Variants in SAXO1 observed in about 807,000 individuals in gnomAD.
The protein encoded by SAXO1 is 4930500O09Rik.
SAXO1 carries 21 observed loss-of-function variants against 17.5 expected under a neutral mutation model. The ratio of observed to expected loss-of-function variants is 1.20; its 90% CI spans 0.85 to 1.72. The LOEUF is 1.72. Ranked by LOEUF, SAXO1 falls within the 40% of genes most tolerant of loss-of-function variation. SAXO1 has a pLI of 0.00. For synonymous variants in SAXO1, 274 were observed against 216.5 expected (o/e 1.27, Z -2.33); for missense variants, 843 against 596.0 (o/e 1.41, Z -4.32).
chr9:19,011,636 G>C (rs1834734036), intron 1 of SAXO1, among the ~76,000 whole-genome samples: 1 of 152,118 alleles, frequency 6.6e-6, no homozygotes, highest in South Asian at 2.1e-4. Flanking sequence ...CACCGACTCA[G>C]TATTAGTTTT....
Position 18,941,744 on chromosome 9 carries a change from T to C in SAXO1, c.314A>G (p.Tyr105Cys), listed in dbSNP as rs1023741605. 38 of 1,614,090 alleles carry C rather than the reference T, an allele frequency of 2.4e-5. No homozygotes were observed. The highest frequency in any genetic ancestry group is 3.1e-5 in the Non-Finnish European group (37 of 1,180,032). The change falls in exon 3 of 4, where the codon TAT (tyrosine) becomes TGT (cysteine). Residue 105 changes from tyrosine (Y) to cysteine (C), a missense_variant. Transcript: ENST00000380534. The stretch of plus-strand genomic sequence containing the variant: ...AGGGTAGGGATTGTAATCTTTCTTA[T>C]ACGTCGTGAGCAAATCCATATTCTC... ...SEENMDLLTT[Y>C]KKDYNPYPVC...
At chr9:19,018,760 G>T (rs568429161) in intron 1 of SAXO1, among the ~76,000 whole-genome samples, 18 of 152,228 alleles carry the variant, frequency 1.2e-4, no homozygotes, top group Non-Finnish European at 2.2e-4. Context: ...GCAGTGGTTA[G>T]AGACAGGACG....
At chr9:18,942,071 G>A (rs534533206) in intron 2 of SAXO1, among the ~76,000 whole-genome samples, 2 of 116,086 alleles carry the variant, frequency 1.7e-5, no homozygotes, top group African/African-American at 5.7e-5. Flanking sequence ...TTTCCTCACG[G>A]CCCCAGAGTC....
In SAXO1 at chr9:18,946,325, A is replaced by T. The variant is rs929984986; in HGVS notation, c.218+4433T>A. On this transcript the variant is annotated intron_variant, in intron 2 of 3. Coordinates refer to ENST00000380534, the MANE Select transcript of SAXO1 (RefSeq NM_153707.4). ...AAAAAAGAGGACCAAGTTTGAAGCA[A>T]CCACGGATGCTGCAAAATGAGGAAA... 7.3e-5 allele frequency among the ~76,000 whole-genome samples: 11 copies of T among 151,062 alleles called. 1 individual carries two copies. The highest frequency in any genetic ancestry group is 4.0e-4 in the Admixed American group (6 of 15,168).
chr9:18,970,947 G>A (rs1459413953), intron 1 of SAXO1, among the ~76,000 whole-genome samples: 1 of 152,134 alleles, frequency 6.6e-6, no homozygotes, highest in Non-Finnish European at 1.5e-5. Flanking sequence ...AGGTCTCCCT[G>A]TGTTAAGGTT....
At chr9:19,036,961 C>T (rs752099047), upstream of SAXO1, among the ~76,000 whole-genome samples, 1 of 152,188 alleles carries the variant, frequency 6.6e-6, no homozygotes, top group Non-Finnish European at 1.5e-5. Flanking sequence ...AGGGGAGGAG[C>T]TGTCCAAGAC....
intron 1 of SAXO1, among the ~76,000 whole-genome samples, chr9:19,019,449 C>T (rs923485310): frequency 3.9e-5 from 6 of 152,010 alleles, no homozygotes; most frequent in Non-Finnish European, 5.9e-5. Context: ...ATACTTCGGC[C>T]GGACAAGGTT....
At chr9:18,950,987 C>A (rs763208720) in intron 1 of SAXO1, 50 bp from the exon 2 acceptor site, 4 of 1,539,802 alleles carry the variant, frequency 2.6e-6, no homozygotes, top group Non-Finnish European at 3.5e-6. Flanking sequence ...AGAAAAAAAC[C>A]CAATTTCCTA....
At chr9:19,047,586 C>T (rs943964049) in intron 1 of SAXO1, among the ~76,000 whole-genome samples, 10 of 152,174 alleles carry the variant, frequency 6.6e-5, no homozygotes, top group African/African-American at 2.4e-4. Context: ...TTTCAGAACA[C>T]TAGAATAAGA....
At chr9:19,023,154 CCCGCCCCA>C (rs905610185) in intron 1 of SAXO1, among the ~76,000 whole-genome samples, 3 of 134,506 alleles carry the variant, frequency 2.2e-5, no homozygotes, top group African/African-American at 8.1e-5. Context: ...CCCCCACCCC[CCCGCCCCA>C]CCGGAGTTAA....
At chr9:18,948,111 C>A (rs1386162335) in intron 2 of SAXO1, among the ~76,000 whole-genome samples, 1 of 152,124 alleles carries the variant, frequency 6.6e-6, no homozygotes, top group Non-Finnish European at 1.5e-5. Flanking sequence ...TGTGCAGACA[C>A]TGGGCTGTGC....
intron 1 of SAXO1, among the ~76,000 whole-genome samples, chr9:18,973,800 T>A (rs974208430): frequency 6.6e-6 from 1 of 152,244 alleles, no homozygotes; most frequent in Non-Finnish European, 1.5e-5. Context: ...CCTGATCACC[T>A]GATTATCCCA....
chr9:18,994,949 G>C (rs781609207), intron 1 of SAXO1, among the ~76,000 whole-genome samples: 12 of 152,110 alleles, frequency 7.9e-5, no homozygotes, highest in East Asian at 1.9e-4. Context: ...CAAAAGAAAA[G>C]CTCCTTGTGC....
intron 3 of SAXO1, among the ~76,000 whole-genome samples, chr9:18,935,798 T>C (rs193027294): frequency 2.6e-5 from 4 of 152,318 alleles, no homozygotes; most frequent in East Asian, 3.9e-4. Flanking sequence ...AAGCTCACTA[T>C]TGTTTTTATT....
At chr9:18,938,834 G>GTGTGTGTGTA (rs1554667875) in intron 3 of SAXO1, among the ~76,000 whole-genome samples, 1 of 150,164 alleles carries the variant, frequency 6.7e-6, no homozygotes, top group African/African-American at 2.4e-5. Context: ...GTGTGTGTGT[G>GTGTGTGTGTA]TGTGTGTGTG....
chr9:18,998,003 A>G (rs1004018432), intron 1 of SAXO1, among the ~76,000 whole-genome samples: 2 of 152,194 alleles, frequency 1.3e-5, no homozygotes, highest in East Asian at 3.8e-4. Context: ...AACCTCTAAC[A>G]TGGAGAGAAA....
chr9:19,024,625 C>A (rs542138958), intron 1 of SAXO1, among the ~76,000 whole-genome samples: 1 of 152,114 alleles, frequency 6.6e-6, no homozygotes, highest in African/African-American at 2.4e-5. Context: ...GTGGCAGAGC[C>A]AGCATTTGAA....
intron 1 of SAXO1, among the ~76,000 whole-genome samples, chr9:19,007,639 C>A (rs73433251): frequency 0.12 from 18,283 of 152,166 alleles, 1,903 homozygotes; most frequent in African/African-American, 0.29. Flanking sequence ...TCTACAATCA[C>A]CATCTAAAAT....
chr9:19,036,932 C>A (rs543442274), upstream of SAXO1, among the ~76,000 whole-genome samples: 3 of 152,276 alleles, frequency 2.0e-5, no homozygotes, highest in South Asian at 2.1e-4. Context: ...AGAAGGGAGG[C>A]GGTACCCTGG....
Sources: allele counts gnomAD v4.1 joint callset (sites outside exome capture counted in the v4.1 genomes callset), GRCh38; gene constraint gnomAD v4.1.1; transcripts MANE v1.5; gene names NCBI Gene and HGNC (gene_info 2026-07-23, HGNC 2026-07-21).